RSRC1: variants seen among roughly 807,000 people sequenced by gnomAD.
The protein encoded by RSRC1 is arginine and serine rich coiled-coil 1.
A neutral mutation model predicts 49.1 loss-of-function variants in RSRC1; 39 were observed. The observed-to-expected ratio is 0.79, with a 90% CI of 0.61 to 1.04. The LOEUF is 1.04. RSRC1 is among the 50% of genes least tolerant of loss of function. The pLI is 0.00. For synonymous variants in RSRC1, 143 were observed against 130.8 expected, an observed-to-expected ratio of 1.09 and a Z score of -0.63; for missense variants, 388 against 402.4, an observed-to-expected ratio of 0.96 and a Z score of 0.31.
chr3:158,333,201 C>T (rs1002731171), intron 5 of RSRC1, among the ~76,000 whole-genome samples: 1 of 152,126 alleles, frequency 6.6e-6, no homozygotes, highest in African/African-American at 2.4e-5. Flanking sequence ...ATTTCCTGAC[C>T]TCATGATCTG....
At chr3:158,456,891 T>G (rs944460630) in intron 6 of RSRC1, among the ~76,000 whole-genome samples, 3 of 152,156 alleles carry the variant, frequency 2.0e-5, no homozygotes, top group Non-Finnish European at 4.4e-5. Context: ...AATAGTTGTA[T>G]GAAGGGTTTT....
chr3:158,333,729 A>G (rs1729695003), intron 5 of RSRC1, among the ~76,000 whole-genome samples: 1 of 152,254 alleles, frequency 6.6e-6, no homozygotes. Context: ...TGGAATAAAA[A>G]CACAGAAGGT....
At chr3:158,116,999 A>G (rs772285034) in intron 1 of RSRC1, among the ~76,000 whole-genome samples, 15 of 152,100 alleles carry the variant, frequency 9.9e-5, no homozygotes, top group Admixed American at 7.2e-4. Flanking sequence ...AGTGTGGGGT[A>G]TAATTTTGAG....
At chr3:158,515,638 G>A (rs539943644) in intron 7 of RSRC1, among the ~76,000 whole-genome samples, 3 of 137,444 alleles carry the variant, frequency 2.2e-5, no homozygotes, top group Admixed American at 7.4e-5. Flanking sequence ...GAATCTGAAC[G>A]TTGGCCTGCC....
At chr3:158,169,807 A>G (rs1176988462) in intron 3 of RSRC1, among the ~76,000 whole-genome samples, 1 of 152,128 alleles carries the variant, frequency 6.6e-6, no homozygotes, top group Non-Finnish European at 1.5e-5. Context: ...CTGTTACGAT[A>G]TATGTCTCTG....
chr3:158,381,093 G>T (rs1308194022), intron 6 of RSRC1, among the ~76,000 whole-genome samples: 1 of 152,142 alleles, frequency 6.6e-6, no homozygotes, highest in African/African-American at 2.4e-5. Flanking sequence ...GTAGATACTA[G>T]TCTATGTTAT....
chr3:158,276,584 A>G (rs1285837097), intron 4 of RSRC1, among the ~76,000 whole-genome samples: 1 of 152,190 alleles, frequency 6.6e-6, no homozygotes, highest in African/African-American at 2.4e-5. Context: ...TGTCTCCTTC[A>G]GTATTTGTCT....
At chr3:158,267,198 G>A (rs528038321) in intron 4 of RSRC1, among the ~76,000 whole-genome samples, 41 of 152,190 alleles carry the variant, frequency 2.7e-4, no homozygotes, top group African/African-American at 9.4e-4. Context: ...TAGTTTCTGA[G>A]GAAAAGTTAG....
At chr3:158,199,004 G>T (rs1468874424) in intron 3 of RSRC1, among the ~76,000 whole-genome samples, 2 of 152,154 alleles carry the variant, frequency 1.3e-5, no homozygotes, top group African/African-American at 2.4e-5. Flanking sequence ...ATCTCATCTT[G>T]TAGCTCCCAT....
At chr3:158,398,829 A>G (rs907820384) in intron 6 of RSRC1, among the ~76,000 whole-genome samples, 2 of 152,148 alleles carry the variant, frequency 1.3e-5, no homozygotes, top group Non-Finnish European at 2.9e-5. Context: ...ACTGGGAAAC[A>G]TAGCAAGTAT....
At chr3:158,176,060 A>G (rs1719194729) in intron 3 of RSRC1, among the ~76,000 whole-genome samples, 4 of 152,196 alleles carry the variant, frequency 2.6e-5, no homozygotes, top group Admixed American at 6.5e-5. Flanking sequence ...TATTGCTACA[A>G]AGAGAATAAA....
intron 5 of RSRC1, among the ~76,000 whole-genome samples, chr3:158,316,261 T>C (rs1578326258): frequency 6.6e-6 from 1 of 152,066 alleles, no homozygotes; most frequent in East Asian, 1.9e-4. Context: ...GTTGCAGTCA[T>C]TGCAAGTTGG....
chr3:158,193,771 A>G (rs1720377313), intron 3 of RSRC1, among the ~76,000 whole-genome samples: 1 of 152,166 alleles, frequency 6.6e-6, no homozygotes, highest in African/African-American at 2.4e-5. Context: ...CTGTGGGGAC[A>G]GTAAGTTGTG....
chr3:158,485,944 T>A (rs1453281297), intron 7 of RSRC1, among the ~76,000 whole-genome samples: 1 of 152,148 alleles, frequency 6.6e-6, no homozygotes, highest in Non-Finnish European at 1.5e-5. Flanking sequence ...TTAAAATAAT[T>A]TAGTTCGGCA....
intron 3 of RSRC1, among the ~76,000 whole-genome samples, chr3:158,134,145 G>C (rs1177601048): frequency 1.3e-5 from 2 of 152,122 alleles, no homozygotes; most frequent in Admixed American, 6.5e-5. Context: ...GATTAGGATA[G>C]TTCTTATTAG....
chr3:158,284,624 T>G (rs865968684), intron 4 of RSRC1, among the ~76,000 whole-genome samples: 1 of 147,974 alleles, frequency 6.8e-6, no homozygotes. Context: ...GGTTTTGATT[T>G]GCATTTCTCT....
chr3:158,119,574 A>C (rs77989626), intron 1 of RSRC1, among the ~76,000 whole-genome samples: 2,365 of 152,148 alleles, frequency 0.016, 82 homozygotes, highest in African/African-American at 0.054. Flanking sequence ...AATTATTATC[A>C]TTCAATTGTG....
intron 3 of RSRC1, among the ~76,000 whole-genome samples, chr3:158,147,443 A>G (rs1717211673): frequency 6.6e-6 from 1 of 151,034 alleles, no homozygotes; most frequent in African/African-American, 2.4e-5. Context: ...ATGTTTTTGT[A>G]TTTACCTATC....
chr3:158,476,202 T>C (rs1048269177), intron 7 of RSRC1, among the ~76,000 whole-genome samples: 2 of 152,030 alleles, frequency 1.3e-5, no homozygotes, highest in East Asian at 3.9e-4. Context: ...TGAAGAAAAA[T>C]TTGAAGCTAG....
Sources: gnomAD v4.1 joint callset for allele counts (sites outside exome capture counted in the v4.1 genomes callset) on GRCh38, gnomAD v4.1.1 for gene constraint, MANE v1.5 for transcripts, NCBI Gene and HGNC (gene_info 2026-07-23, HGNC 2026-07-21) for gene names.